Variants in BTBD10 observed in about 807,000 individuals in gnomAD.
BTBD10 encodes BTB domain containing 10.
Under a neutral mutation model 53.2 loss-of-function variants are expected in BTBD10, and 21 were observed. The observed-to-expected ratio is 0.39, with a 90% CI of 0.28 to 0.57. BTBD10 has a LOEUF of 0.57. BTBD10 is among the 20% of genes least tolerant of loss of function. The probability of loss-of-function intolerance (pLI) is 0.53; values close to 1 mark genes in which losing one functional copy is unlikely to be tolerated. For missense variants in BTBD10, 360 were observed against 594.7 expected, an observed-to-expected ratio of 0.61 and a Z score of 4.10; for synonymous variants, 149 against 192.7, an observed-to-expected ratio of 0.77 and a Z score of 1.88.
chr11:13,426,824 G>T (rs1950347766), intron 2 of BTBD10, among the ~76,000 whole-genome samples: 2 of 152,092 alleles, frequency 1.3e-5, no homozygotes, highest in African/African-American at 4.8e-5. Flanking sequence ...GAAGGAAAAG[G>T]AACAAATGGG....
At chr11:13,390,694 C>T (rs1048480349) in intron 8 of BTBD10, among the ~76,000 whole-genome samples, 1 of 152,132 alleles carries the variant, frequency 6.6e-6, no homozygotes, top group Non-Finnish European at 1.5e-5. Context: ...GATTTTGGCC[C>T]ATAGGCCAAA....
At chr11:13,445,287 A>G in intron 1 of BTBD10, 106 bp from the exon 2 acceptor site, 7 of 447,690 alleles carry the variant, frequency 1.6e-5, no homozygotes, top group Non-Finnish European at 2.8e-5. Context: ...TAAAGTGATG[A>G]ATAGATTATA....
intron 8 of BTBD10, among the ~76,000 whole-genome samples, chr11:13,395,487 G>A: frequency 6.6e-6 from 1 of 152,144 alleles, no homozygotes; most frequent in Non-Finnish European, 1.5e-5. Context: ...CATCCTGTAG[G>A]TTGCCTGTTC....
intron 2 of BTBD10, among the ~76,000 whole-genome samples, chr11:13,436,700 C>T (rs1950549021): frequency 6.6e-6 from 1 of 152,200 alleles, no homozygotes; most frequent in South Asian, 2.1e-4. Context: ...TGTCTAATTA[C>T]TTTTCAAAGG....
In BTBD10 at chr11:13,445,158, A is replaced by G; in HGVS notation, c.-34T>C. On this transcript the variant is annotated 5_prime_UTR_variant, in exon 2 of 9. Transcript: ENST00000278174. ...AAGCTTCCTCACACTACTGCTCTGA[A>G]AGCACACATGTAGCACCCATAACCT... 6.7e-7 allele frequency: 1 copy of G among 1,500,896 alleles called. No homozygotes were observed. The highest frequency in any genetic ancestry group is 9.3e-7 in the Non-Finnish European group (1 of 1,077,802). The allele number at this position is 1,500,896 out of a possible 1,614,324, so 93.0% of individuals were successfully genotyped here.
In BTBD10 at chr11:13,389,062, G is replaced by C. The variant is rs764047272; in HGVS notation, c.1197C>G (p.Pro399=). Residue 399 remains proline (P), a synonymous_variant, in exon 9 of 9, where the codon CCC becomes CCG. Coordinates refer to ENST00000278174, the MANE Select transcript of BTBD10 (RefSeq NM_032320.7). ...CCTTCTCCCAGGACATTCGAATAAA[G>C]GGTCTTTGGACATAGTTGTAGATCA... ...PEVIYNYVQR[P]FIRMSWEKEE... 8.7e-6 allele frequency: 14 copies of C among 1,614,074 alleles called. No individual in the cohort carries two copies. In the South Asian group the frequency reaches 1.3e-4, roughly 15 times the overall value.
At chr11:13,398,853 G>A (rs1444022138) in intron 8 of BTBD10, among the ~76,000 whole-genome samples, 4 of 152,132 alleles carry the variant, frequency 2.6e-5, no homozygotes, top group African/African-American at 9.7e-5. Context: ...TTTTCTTTAA[G>A]AATGTTGAAT....
intron 8 of BTBD10, among the ~76,000 whole-genome samples, chr11:13,396,767 T>G (rs2135744439): frequency 6.6e-6 from 1 of 152,364 alleles, no homozygotes; most frequent in South Asian, 2.1e-4. Flanking sequence ...TTGAATTTTA[T>G]CAAAGGCCTT....
At chr11:13,452,034 C>T (rs1950870627) in intron 1 of BTBD10, among the ~76,000 whole-genome samples, 1 of 151,910 alleles carries the variant, frequency 6.6e-6, no homozygotes, top group South Asian at 2.1e-4. Context: ...ACTTGGAAAA[C>T]AGATCAATAG....
intron 4 of BTBD10, among the ~76,000 whole-genome samples, chr11:13,417,700 G>A (rs1233132050): frequency 1.3e-5 from 2 of 152,142 alleles, no homozygotes; most frequent in African/African-American, 4.8e-5. Context: ...GCTAAACTGA[G>A]ACAAAGTGAT....
chr11:13,410,728 T>C (rs1460763771), intron 6 of BTBD10, among the ~76,000 whole-genome samples: 1 of 152,234 alleles, frequency 6.6e-6, no homozygotes, highest in African/African-American at 2.4e-5. Context: ...GGTGGCTAAA[T>C]GTACAAAATT....
intron 4 of BTBD10, among the ~76,000 whole-genome samples, chr11:13,418,701 C>T (rs775934274): frequency 6.6e-6 from 1 of 152,086 alleles, no homozygotes; most frequent in Non-Finnish European, 1.5e-5. Flanking sequence ...ATTACATATG[C>T]AATCTAGTAA....
Position 13,388,713 on chromosome 11 carries a change from A to G in BTBD10, c.*118T>C. ...TCTTTAAAAAAGCCTACACTGCAAT[A>G]TCCTAAACATTGTTATGTGCATCTC... On this transcript the variant is annotated 3_prime_UTR_variant, in exon 9 of 9. Coordinates refer to ENST00000278174, the MANE Select transcript of BTBD10 (RefSeq NM_032320.7). 8.6e-7 allele frequency: 1 copy of G among 1,162,162 alleles called. No individual in the cohort carries two copies. Among genetic ancestry groups the G allele is most frequent in the African/African-American group, 1.5e-5 (1 of 65,232 alleles). 72.0% of individuals were successfully genotyped at this position (1,162,162 alleles called of 1,614,324 possible).
In BTBD10 at chr11:13,445,025, T is replaced by C. The variant is rs1950726976; in HGVS notation, c.100A>G (p.Ser34Gly). The change falls in exon 2 of 9, where the codon AGT (serine) becomes GGT (glycine). Residue 34 changes from serine (S) to glycine (G), a missense_variant and splice_region_variant. Ser to Gly is a moderately conservative substitution (Grantham distance 56). This residue lies in a region of BTBD10 where 81 missense variants were observed against 82.6 expected (regional missense o/e 0.98). Coordinates refer to ENST00000278174, the MANE Select transcript of BTBD10 (RefSeq NM_032320.7). ...GCGAAATACATATTTTCTACCTACC[T>C]TGAATGTTTATAAAGTTTACGAGGT... is the stretch of plus-strand genomic sequence containing the variant. ...SRPRKLYKHS[S>G]TSSRIAKGGV... 1 of 1,602,624 alleles carries C rather than the reference T, an allele frequency of 6.2e-7. No individual in the cohort carries two copies. Among genetic ancestry groups the C allele is most frequent in the Non-Finnish European group, 8.5e-7 (1 of 1,170,008 alleles).
At chr11:13,455,762 C>T (rs1380518653) in intron 1 of BTBD10, among the ~76,000 whole-genome samples, 1 of 152,060 alleles carries the variant, frequency 6.6e-6, no homozygotes, top group Non-Finnish European at 1.5e-5. Flanking sequence ...GAAGCAACAC[C>T]CTTTAAACAA....
intron 7 of BTBD10, 66 bp from the exon 8 acceptor site, chr11:13,403,344 T>A: frequency 1.1e-6 from 1 of 921,548 alleles, no homozygotes; most frequent in Non-Finnish European, 1.6e-6. Flanking sequence ...CTTAAATTTA[T>A]CTTGCTCATC....
chr11:13,432,199 T>C (rs1341366956), intron 2 of BTBD10, among the ~76,000 whole-genome samples: 1 of 151,968 alleles, frequency 6.6e-6, no homozygotes, highest in East Asian at 1.9e-4. Context: ...TTGCCAGAGG[T>C]CAGAGTTGGA....
intron 8 of BTBD10, among the ~76,000 whole-genome samples, chr11:13,402,439 G>A (rs1407115710): frequency 6.6e-6 from 1 of 152,068 alleles, no homozygotes; most frequent in African/African-American, 2.4e-5. Context: ...AGAAACTGAG[G>A]CACAGAATTT....
chr11:13,436,642 A>G lies in BTBD10; in HGVS notation c.101+8382T>C, dbSNP rs1950548001. On this transcript the variant is annotated intron_variant, in intron 2 of 8. Coordinates refer to ENST00000278174, the MANE Select transcript of BTBD10 (RefSeq NM_032320.7). ...GTGCTGGATCTGAACCAAGGGGTTC[A>G]ATTTCAGAGCTCATGCTCCTAACTT... is the stretch of plus-strand genomic sequence containing the variant. Among the ~76,000 whole-genome samples, 3 of 152,242 alleles carry G rather than the reference A, an allele frequency of 2.0e-5. No individual in the cohort carries two copies. The South Asian group carries it at 6.2e-4, about 31-fold the overall frequency.
Sources: gnomAD v4.1 joint callset for allele counts (sites outside exome capture counted in the v4.1 genomes callset) on GRCh38, gnomAD v4.1.1 for gene constraint, gnomAD v4.1.1 regional missense constraint, MANE v1.5 for transcripts, NCBI Gene and HGNC (gene_info 2026-07-23, HGNC 2026-07-21) for gene names.